The following ARHGAP8 variants were observed in gnomAD, a reference collection of about 807,000 sequenced individuals.
The protein encoded by ARHGAP8 is rho GTPase-activating protein 8.
ARHGAP8 carries 62 observed loss-of-function variants against 46.1 expected under a neutral mutation model. The observed-to-expected ratio is 1.34, with a 90% CI of 1.10 to 1.66. ARHGAP8 has a LOEUF of 1.66. ARHGAP8 is among the 40% of genes most tolerant of loss of function. The pLI, the probability that ARHGAP8 is intolerant of heterozygous loss-of-function variation, is 0.00. For synonymous variants in ARHGAP8, 375 were observed against 243.1 expected, an observed-to-expected ratio of 1.54 and a Z score of -5.05; for missense variants, 923 against 568.4, an observed-to-expected ratio of 1.62 and a Z score of -6.34.
At chr22:44,861,453 T>G (rs945652171) in intron 11 of ARHGAP8, among the ~76,000 whole-genome samples, 9 of 149,140 alleles carry the variant, frequency 6.0e-5, no homozygotes, top group Non-Finnish European at 1.0e-4. Flanking sequence ...TGCAACGGGC[T>G]TGGGGGACCG....
intron 10 of ARHGAP8, among the ~76,000 whole-genome samples, chr22:44,855,188 C>T (rs567567681): frequency 3.9e-5 from 6 of 152,136 alleles, no homozygotes; most frequent in African/African-American, 9.6e-5. Context: ...AACATACATG[C>T]GTAGACATAA....
intron 10 of ARHGAP8, among the ~76,000 whole-genome samples, chr22:44,851,340 A>C (rs2070088004): frequency 6.6e-6 from 1 of 152,208 alleles, no homozygotes; most frequent in Admixed American, 6.5e-5. Flanking sequence ...TCACACGAGA[A>C]AAGCATGCCA....
chr22:44,792,811 G>GT (rs1429312453), intron 2 of ARHGAP8, among the ~76,000 whole-genome samples: 172 of 132,956 alleles, frequency 1.3e-3, no homozygotes, highest in South Asian at 4.0e-3. Flanking sequence ...GGTGGTGGTG[G>GT]TTTTTTTTGT....
At chr22:44,759,152 C>T (rs1195538408) in intron 1 of ARHGAP8, among the ~76,000 whole-genome samples, 9 of 152,178 alleles carry the variant, frequency 5.9e-5, no homozygotes, top group African/African-American at 1.9e-4. Context: ...CTGTCCCAAG[C>T]CCTCTGCTTG....
At chr22:44,839,898 C>T (rs116792296) in intron 7 of ARHGAP8, among the ~76,000 whole-genome samples, 194 of 152,324 alleles carry the variant, frequency 1.3e-3, no homozygotes, top group African/African-American at 4.3e-3. Context: ...GCCCATGGGG[C>T]GTTGGCAGAG....
intron 7 of ARHGAP8, among the ~76,000 whole-genome samples, chr22:44,844,917 C>T (rs931004513): frequency 6.6e-6 from 1 of 152,180 alleles, no homozygotes; most frequent in African/African-American, 2.4e-5. Context: ...TGGGACTTCC[C>T]AGTATGGCTT....
chr22:44,859,360 A>T (rs1226069521), intron 10 of ARHGAP8, among the ~76,000 whole-genome samples: 1 of 151,700 alleles, frequency 6.6e-6, no homozygotes, highest in African/African-American at 2.4e-5. Flanking sequence ...CCTCTGTCCC[A>T]CTCTCTCTTG....
intron 7 of ARHGAP8, among the ~76,000 whole-genome samples, chr22:44,835,689 C>T (rs558290272): frequency 9.2e-5 from 14 of 152,282 alleles, no homozygotes; most frequent in East Asian, 1.9e-4. Flanking sequence ...TCTTCCACCC[C>T]GTGCTAACAC....
rs767274409 is a variant in ARHGAP8, at chr22:44,845,252, C to G, written c.597-17C>G. 9 of 1,614,040 alleles carry G rather than the reference C, an allele frequency of 5.6e-6. No homozygotes were observed. Among genetic ancestry groups the G allele is most frequent in the Non-Finnish European group, 6.8e-6 (8 of 1,179,986 alleles). On this transcript the variant is annotated splice_polypyrimidine_tract_variant and intron_variant, in intron 7 of 11. Coordinates refer to ENST00000356099, the MANE Select transcript of ARHGAP8 (RefSeq NM_181335.3). Reference sequence around the variant, plus strand: ...AAGCTCAGGTAAAAACTGCGACTTTCTTTTCTGTTTTCTCAGCCTCAAAGA... The same window carrying G: ...AAGCTCAGGTAAAAACTGCGACTTTGTTTTCTGTTTTCTCAGCCTCAAAGA...
chr22:44,830,078 C>T (rs1476075224), intron 7 of ARHGAP8, among the ~76,000 whole-genome samples: 1 of 149,456 alleles, frequency 6.7e-6, no homozygotes, highest in Admixed American at 6.7e-5. Context: ...GGCTGGAGTG[C>T]AGTGGCACGA....
At chr22:44,780,788 A>C (rs565754812) in intron 1 of ARHGAP8, among the ~76,000 whole-genome samples, 1 of 152,216 alleles carries the variant, frequency 6.6e-6, no homozygotes, top group East Asian at 1.9e-4. Flanking sequence ...TGCTTTATGC[A>C]GATTTAAATA....
intron 1 of ARHGAP8, among the ~76,000 whole-genome samples, chr22:44,766,867 G>A (rs2147002151): frequency 6.6e-6 from 1 of 151,996 alleles, no homozygotes; most frequent in East Asian, 1.9e-4. Context: ...AATGCAGCCT[G>A]AGGGAGCAGA....
chr22:44,803,539 G>A (rs959573888), intron 3 of ARHGAP8, among the ~76,000 whole-genome samples: 9 of 135,248 alleles, frequency 6.7e-5, no homozygotes, highest in South Asian at 2.4e-4. Flanking sequence ...CAAACACATC[G>A]TCCCTTGCAT....
chr22:44,789,258 C>T (rs936250989), intron 2 of ARHGAP8, among the ~76,000 whole-genome samples: 2 of 152,092 alleles, frequency 1.3e-5, no homozygotes, highest in Non-Finnish European at 1.5e-5. Context: ...TCAAGTGATT[C>T]TCCTGTCTCA....
chr22:44,810,431 G>T (rs955674246), intron 4 of ARHGAP8, among the ~76,000 whole-genome samples: 1 of 151,980 alleles, frequency 6.6e-6, no homozygotes, highest in Non-Finnish European at 1.5e-5. Context: ...TAGTAGAGAC[G>T]GGGTTTCACT....
chr22:44,849,269 G>A, intron 10 of ARHGAP8: 1 of 958,786 alleles, frequency 1.0e-6, no homozygotes, highest in Non-Finnish European at 1.5e-6. Context: ...GGCAGAGGAG[G>A]TGGGGTCGGT....
At chr22:44,852,229 A>G (rs2070114922) in intron 10 of ARHGAP8, among the ~76,000 whole-genome samples, 2 of 148,404 alleles carry the variant, frequency 1.3e-5, no homozygotes, top group South Asian at 2.2e-4. Flanking sequence ...GAAGGGAGGA[A>G]GGAAGGTGAA....
At position 44,808,333 on chromosome 22, in the gene ARHGAP8, A is replaced by G. The variant is rs1349289507; in HGVS notation, c.194A>G (p.Tyr65Cys). The G allele has an allele frequency of 1.2e-6, 2 of 1,614,128 alleles. No homozygotes were observed. The highest frequency in any genetic ancestry group is 3.3e-5 in the Admixed American group (2 of 60,012). Residue 65 changes from tyrosine (Y) to cysteine (C), a missense_variant, in exon 4 of 12, where the codon TAC becomes TGC. Physicochemically the swap from Tyr to Cys is radical, Grantham distance 194. Transcript: ENST00000356099. ...LEYLKYTLDQ[Y>C]VENDYTIVYF... ...TATTTGAAGTACACACTGGACCAATACGTTGAGAACGATTATACCATCGTC... is the reference window on the plus strand; with the variant it reads ...TATTTGAAGTACACACTGGACCAATGCGTTGAGAACGATTATACCATCGTC...
intron 5 of ARHGAP8, among the ~76,000 whole-genome samples, chr22:44,818,692 C>T (rs1047330357): frequency 8.1e-6 from 1 of 123,506 alleles, no homozygotes; most frequent in Non-Finnish European, 1.6e-5. Flanking sequence ...ATTTTTCTTC[C>T]TTCCTTCCTT....
Sources: gnomAD v4.1 joint callset for allele counts (sites outside exome capture counted in the v4.1 genomes callset) on GRCh38, gnomAD v4.1.1 for gene constraint, MANE v1.5 for transcripts, NCBI Gene and HGNC (gene_info 2026-07-23, HGNC 2026-07-21) for gene names.